The following ITSN1 variants were observed in gnomAD, a reference collection of about 807,000 sequenced individuals.
The protein encoded by ITSN1 is intersectin-1.
Under a neutral mutation model 239.8 loss-of-function variants are expected in ITSN1, and 58 were observed. That is an observed-to-expected ratio of 0.24 (90% confidence interval 0.20 to 0.30). ITSN1 has a LOEUF of 0.30. ITSN1 is among the 10% of genes least tolerant of loss of function. The pLI, the probability that ITSN1 is intolerant of heterozygous loss-of-function variation, is 1.00. For missense variants in ITSN1, 1,558 were observed against 2,103.3 expected (o/e 0.74, Z 5.07); for synonymous variants, 780 against 770.8 (o/e 1.01, Z -0.20).
chr21:33,891,405 G>A lies in ITSN1; in HGVS notation c.*3105G>A, dbSNP rs1303435812. 1 of 152,070 alleles carries A rather than the reference G, an allele frequency of 6.6e-6. No homozygotes were observed. Among genetic ancestry groups the A allele is most frequent in the Non-Finnish European group, 1.5e-5 (1 of 68,022 alleles). 9.4% of individuals were successfully genotyped at this position (152,070 alleles called of 1,614,324 possible). ...AAACAACCTAAAGTATGACCTAAGT[G>A]TATGAAACTAACTGATTTCTTTGGG... On this transcript the variant is annotated 3_prime_UTR_variant, in exon 40 of 40. Coordinates refer to ENST00000381318, the MANE Select transcript of ITSN1 (RefSeq NM_003024.3).
At chr21:33,660,231 G>T (rs2089447554) in intron 1 of ITSN1, among the ~76,000 whole-genome samples, 1 of 152,146 alleles carries the variant, frequency 6.6e-6, no homozygotes, top group Admixed American at 6.5e-5. Flanking sequence ...AATAATCTTT[G>T]TTATGTGCTG....
intron 1 of ITSN1, among the ~76,000 whole-genome samples, chr21:33,695,888 G>C (rs970830755): frequency 6.6e-6 from 1 of 152,222 alleles, no homozygotes; most frequent in Admixed American, 6.5e-5. Context: ...CCTCAGGCTT[G>C]AATATATTTC....
At chr21:33,702,764 A>G (rs1344863323) in intron 1 of ITSN1, among the ~76,000 whole-genome samples, 2 of 152,196 alleles carry the variant, frequency 1.3e-5, no homozygotes, top group African/African-American at 4.8e-5. Context: ...CTTTTTTATC[A>G]TGCAAAATGA....
rs1419292607 is a variant in ITSN1 at position 33,747,486 on chromosome 21, T to C, written c.347-2657T>C. Among the ~76,000 whole-genome samples the C allele has an allele frequency of 5.9e-5, 9 of 151,506 alleles. No homozygotes were observed. In the East Asian group the frequency reaches 1.6e-3, roughly 26 times the overall value. ...AGCAATAGTCTACACAATCAAAAGCTCAACACACCTCAAGTAGGGTAAATA... is the reference window on the plus strand; with the variant it reads ...AGCAATAGTCTACACAATCAAAAGCCCAACACACCTCAAGTAGGGTAAATA... On this transcript the variant is annotated intron_variant, in intron 5 of 39. Coordinates refer to ENST00000381318, the MANE Select transcript of ITSN1 (RefSeq NM_003024.3).
intron 29 of ITSN1, among the ~76,000 whole-genome samples, chr21:33,849,394 T>TTTAATAAA (rs2075086629): frequency 6.6e-6 from 1 of 151,444 alleles, no homozygotes; most frequent in African/African-American, 2.4e-5. Flanking sequence ...GGTGAAACCC[T>TTTAATAAA]GTCTCTATTA....
chr21:33,864,121 T>C (rs1211115956), intron 31 of ITSN1, among the ~76,000 whole-genome samples: 1 of 152,250 alleles, frequency 6.6e-6, no homozygotes, highest in Non-Finnish European at 1.5e-5. Context: ...CAGAGCTTCC[T>C]TGGAATTCAA....
At chr21:33,809,801 T>A (rs551619013) in intron 20 of ITSN1, among the ~76,000 whole-genome samples, 6 of 148,732 alleles carry the variant, frequency 4.0e-5, no homozygotes, top group African/African-American at 9.7e-5. Flanking sequence ...GAAAATAAAA[T>A]TTTTTTTTTG....
chr21:33,685,437 A>G (rs921626394), intron 1 of ITSN1, among the ~76,000 whole-genome samples: 1 of 152,076 alleles, frequency 6.6e-6, no homozygotes, highest in South Asian at 2.1e-4. Flanking sequence ...TATTTCACCA[A>G]GAGTTGGCCT....
chr21:33,886,248 G>T, intron 38 of ITSN1, 39 bp from the exon 39 acceptor site: 1 of 1,522,274 alleles, frequency 6.6e-7, no homozygotes, highest in Non-Finnish European at 9.0e-7. Context: ...TCAAAATGAG[G>T]TGTGAGTTCC....
chr21:33,722,997 G>A (rs776665271), intron 4 of ITSN1, among the ~76,000 whole-genome samples: 41 of 152,142 alleles, frequency 2.7e-4, no homozygotes, highest in Non-Finnish European at 4.1e-4. Context: ...GCTTTATAAT[G>A]GAATGATTTT....
At chr21:33,730,385 G>GTTT (rs2066097187) in intron 4 of ITSN1, among the ~76,000 whole-genome samples, 2 of 75,840 alleles carry the variant, frequency 2.6e-5, no homozygotes, top group East Asian at 4.7e-4. Flanking sequence ...AATGCTCTCT[G>GTTT]TTCTTTTTTT....
intron 33 of ITSN1, among the ~76,000 whole-genome samples, chr21:33,871,335 A>C (rs1569325734): frequency 6.6e-6 from 1 of 151,796 alleles, no homozygotes; most frequent in Non-Finnish European, 1.5e-5. Context: ...CTCACTGAGC[A>C]ATCCTATGGT....
intron 8 of ITSN1, among the ~76,000 whole-genome samples, chr21:33,759,531 T>A (rs970374023): frequency 6.6e-6 from 1 of 152,198 alleles, no homozygotes. Flanking sequence ...CCACTAAAGT[T>A]TTGTTAATTC....
At chr21:33,710,798 G>GTTT (rs200574566) in intron 1 of ITSN1, among the ~76,000 whole-genome samples, 4 of 148,092 alleles carry the variant, frequency 2.7e-5, no homozygotes, top group African/African-American at 1.0e-4. Context: ...TTTGGGGGAA[G>GTTT]TTTTTTGTTT....
At chr21:33,818,668 A>G (rs1331436087) in intron 23 of ITSN1, among the ~76,000 whole-genome samples, 196 bp downstream of exon 23, 2 of 152,220 alleles carry the variant, frequency 1.3e-5, no homozygotes, top group African/African-American at 4.8e-5. Context: ...TTCTCTCATG[A>G]AAACCTATGT....
intron 1 of ITSN1, among the ~76,000 whole-genome samples, chr21:33,646,253 A>G (rs2087937545): frequency 6.6e-6 from 1 of 152,244 alleles, no homozygotes; most frequent in Non-Finnish European, 1.5e-5. Context: ...TAGTGTGCTC[A>G]AGGTGATTAG....
At chr21:33,867,114 C>T in intron 32 of ITSN1, 119 bp from the exon 33 acceptor site, 2 of 657,342 alleles carry the variant, frequency 3.0e-6, no homozygotes, top group Non-Finnish European at 2.7e-6. Context: ...CCAGGTCTCT[C>T]AGTTGTCATC....
intron 1 of ITSN1, among the ~76,000 whole-genome samples, chr21:33,642,971 C>A (rs1330352080): frequency 1.3e-5 from 2 of 150,166 alleles, no homozygotes; most frequent in Admixed American, 1.3e-4. Context: ...CCGCGGTGGG[C>A]CGTGGGGTGG....
rs577193406 is a variant in ITSN1, at chr21:33,789,526, A to G, written c.1825-4815A>G. ...GCAAAATCCTTCAAAAAAGTTAAATATCTAAATCAGTAAATACATTTCCAT... is the reference window on the plus strand; with the variant it reads ...GCAAAATCCTTCAAAAAAGTTAAATGTCTAAATCAGTAAATACATTTCCAT... On this transcript the variant is annotated intron_variant, in intron 16 of 39. Coordinates refer to ENST00000381318, the MANE Select transcript of ITSN1 (RefSeq NM_003024.3). Among the ~76,000 whole-genome samples, 6 of 152,352 alleles carry G rather than the reference A, an allele frequency of 3.9e-5. No individual in the cohort carries two copies. In the South Asian group the frequency reaches 1.2e-3, roughly 32 times the overall value.
Sources: gnomAD v4.1 joint callset for allele counts (sites outside exome capture counted in the v4.1 genomes callset) on GRCh38, gnomAD v4.1.1 for gene constraint, MANE v1.5 for transcripts, NCBI Gene and HGNC (gene_info 2026-07-23, HGNC 2026-07-21) for gene names.